Variants in GOLPH3L observed in about 807,000 individuals in gnomAD.
GOLPH3L encodes golgi phosphoprotein 3 like.
In GOLPH3L, 22 loss-of-function variants were observed where a neutral mutation model predicts 30.3. The observed-to-expected ratio is 0.73, with a 90% confidence interval of 0.52 to 1.04. The LOEUF (loss-of-function observed/expected upper bound fraction) is 1.04. Ranked by LOEUF, GOLPH3L falls within the 50% of genes least tolerant of loss-of-function variation. GOLPH3L has a pLI of 0.00. For synonymous variants in GOLPH3L, 120 were observed against 128.2 expected (o/e 0.94, Z 0.43); for missense variants, 303 against 345.8 (o/e 0.88, Z 0.98).
intron 4 of GOLPH3L, 36 bp from the exon 5 acceptor site, chr1:150,648,784 A>C: frequency 7.5e-7 from 1 of 1,339,802 alleles, no homozygotes; most frequent in Admixed American, 1.9e-5. Context: ...AATGAACTGA[A>C]AGAGAAAAGC....
At chr1:150,685,753 A>C (rs1264431565) in intron 2 of GOLPH3L, among the ~76,000 whole-genome samples, 1 of 152,124 alleles carries the variant, frequency 6.6e-6, no homozygotes, top group Non-Finnish European at 1.5e-5. Context: ...AAAATCCATA[A>C]GAATCTATTC....
At chr1:150,651,566 T>C (rs1650103276) in intron 4 of GOLPH3L, among the ~76,000 whole-genome samples, 1 of 148,752 alleles carries the variant, frequency 6.7e-6, no homozygotes, top group Non-Finnish European at 1.5e-5. Context: ...GGAGAATCAC[T>C]TGAACCCAGG....
chr1:150,657,146 T>G (rs1650257569), intron 4 of GOLPH3L, among the ~76,000 whole-genome samples: 1 of 152,258 alleles, frequency 6.6e-6, no homozygotes, highest in Non-Finnish European at 1.5e-5. Flanking sequence ...TTCATACAGA[T>G]GAACAACTGA....
chr1:150,661,684 A>C (rs181000152), intron 4 of GOLPH3L, 130 bp downstream of exon 4: 1 of 583,248 alleles, frequency 1.7e-6, no homozygotes, highest in East Asian at 2.7e-5. Context: ...TCTGTCCCTC[A>C]TTAGAATTAA....
Position 150,648,357 on chromosome 1 carries a change from CA to C in GOLPH3L, c.821del (p.Met274ArgfsTer34), listed in dbSNP as rs778492229. 5 of 1,613,284 alleles carry C rather than the reference CA, an allele frequency of 3.1e-6. No homozygotes were observed. The highest frequency in any genetic ancestry group is 4.2e-6 in the Non-Finnish European group (5 of 1,179,414). On this transcript the variant is annotated frameshift_variant, in exon 5 of 5. Coordinates refer to ENST00000271732, the MANE Select transcript of GOLPH3L (RefSeq NM_018178.6). LOFTEE classifies it high-confidence loss of function. Reference protein sequence around the residue: ...VEGTKPSATEMIWAVLAAFNK... With the variant: ...VEGTKPSATEXIWAVLAAFNK... ...TGAAGGCTGCCAGCACAGCCCAGATCATTTCTGTGGCACTAGGCTTTGTCCC... is the reference window on the plus strand; with the variant it reads ...TGAAGGCTGCCAGCACAGCCCAGATCTTTCTGTGGCACTAGGCTTTGTCCC...
chr1:150,682,606 G>C (rs1196189846), intron 2 of GOLPH3L, among the ~76,000 whole-genome samples: 3 of 110,066 alleles, frequency 2.7e-5, no homozygotes, highest in Non-Finnish European at 5.1e-5. Flanking sequence ...CTCCAGTCTT[G>C]GTGACAGACT....
intron 2 of GOLPH3L, among the ~76,000 whole-genome samples, chr1:150,677,707 C>T (rs1650846363): frequency 6.6e-6 from 1 of 151,418 alleles, no homozygotes; most frequent in Non-Finnish European, 1.5e-5. Context: ...CTCACTGCAC[C>T]CTCTACTTCT....
At chr1:150,653,429 T>C (rs1243295419) in intron 4 of GOLPH3L, among the ~76,000 whole-genome samples, 1 of 149,058 alleles carries the variant, frequency 6.7e-6, no homozygotes. Flanking sequence ...CTATGTTAGA[T>C]TTACTGGAGA....
intron 2 of GOLPH3L, among the ~76,000 whole-genome samples, chr1:150,689,353 A>T (rs587726941): frequency 5.4e-4 from 82 of 152,368 alleles, no homozygotes; most frequent in African/African-American, 1.9e-3. Context: ...CTAATAAATG[A>T]AAAGTTTTAT....
intron 4 of GOLPH3L, among the ~76,000 whole-genome samples, chr1:150,649,332 G>C (rs1482808864): frequency 6.6e-6 from 1 of 152,194 alleles, no homozygotes; most frequent in Non-Finnish European, 1.5e-5. Context: ...GTGGGCCCTT[G>C]TGCAGAAGTT....
intron 3 of GOLPH3L, 115 bp downstream of exon 3, chr1:150,663,517 T>C: frequency 1.1e-6 from 1 of 932,544 alleles, no homozygotes; most frequent in Non-Finnish European, 1.6e-6. Flanking sequence ...ACAATGGAAC[T>C]GCTGAGTCAG....
chr1:150,649,033 A>C (rs1440412421), intron 4 of GOLPH3L, among the ~76,000 whole-genome samples: 2 of 152,140 alleles, frequency 1.3e-5, no homozygotes, highest in Non-Finnish European at 2.9e-5. Flanking sequence ...TGTATTTTTC[A>C]AATTCTATTT....
chr1:150,650,881 G>A (rs1310889676), intron 4 of GOLPH3L, among the ~76,000 whole-genome samples: 2 of 152,118 alleles, frequency 1.3e-5, no homozygotes, highest in Non-Finnish European at 2.9e-5. Flanking sequence ...AAAAAAAGCA[G>A]GCAATGGAAA....
intron 2 of GOLPH3L, among the ~76,000 whole-genome samples, chr1:150,667,317 TA>T (rs1650530366): frequency 6.6e-6 from 1 of 152,228 alleles, no homozygotes; most frequent in East Asian, 1.9e-4. Flanking sequence ...CTGACCACCA[TA>T]CTGCCAGGGC....
At chr1:150,686,657 G>T (rs925920035) in intron 2 of GOLPH3L, among the ~76,000 whole-genome samples, 4 of 152,176 alleles carry the variant, frequency 2.6e-5, no homozygotes, top group Non-Finnish European at 5.9e-5. Context: ...AAAATATGGA[G>T]GCAAAAGTGA....
intron 2 of GOLPH3L, among the ~76,000 whole-genome samples, chr1:150,675,336 A>C (rs896004924): frequency 7.2e-5 from 11 of 152,146 alleles, no homozygotes; most frequent in Middle Eastern, 3.4e-3. Context: ...AAATTTGAAA[A>C]CAAAAAAATT....
At chr1:150,692,221 TTG>T (rs1651230415) in intron 2 of GOLPH3L, among the ~76,000 whole-genome samples, 1 of 152,210 alleles carries the variant, frequency 6.6e-6, no homozygotes, top group Non-Finnish European at 1.5e-5. Context: ...AACTGGCCTT[TTG>T]TAACTACTAC....
At chr1:150,693,946 G>A (rs765830674) in intron 2 of GOLPH3L, among the ~76,000 whole-genome samples, 4 of 128,574 alleles carry the variant, frequency 3.1e-5, no homozygotes, top group East Asian at 2.7e-4. Flanking sequence ...TGCAACCTCC[G>A]CCTCCCAGGT....
intron 1 of GOLPH3L, among the ~76,000 whole-genome samples, chr1:150,695,541 C>A (rs775150497): frequency 1.1e-4 from 17 of 151,884 alleles, no homozygotes; most frequent in Non-Finnish European, 2.1e-4. Flanking sequence ...GATGGAACAA[C>A]AAAAAATTGT....
Sources: gnomAD v4.1 joint callset for allele counts (sites outside exome capture counted in the v4.1 genomes callset) on GRCh38, gnomAD v4.1.1 for gene constraint, MANE v1.5 for transcripts, NCBI Gene and HGNC (gene_info 2026-07-23, HGNC 2026-07-21) for gene names.